Variants in MYBPC2 observed in about 807,000 individuals in gnomAD.
MYBPC2 encodes the protein myosin binding protein C2, also known as myosin-binding protein C, fast-type.
A neutral mutation model predicts 137.0 loss-of-function variants in MYBPC2; 122 were observed. The ratio of observed to expected loss-of-function variants is 0.89; its 90% CI spans 0.77 to 1.03. The LOEUF (loss-of-function observed/expected upper bound fraction) is 1.03. MYBPC2 is among the 50% of genes least tolerant of loss of function. MYBPC2 has a pLI of 0.00. For missense variants in MYBPC2, 1,500 were observed against 1,534.4 expected (o/e 0.98, Z 0.37); for synonymous variants, 626 against 612.3 (o/e 1.02, Z -0.33).
At position 50,451,905 on chromosome 19, in the gene MYBPC2, G is replaced by A; in HGVS notation, c.1651G>A (p.Glu551Lys). 1 of 1,588,378 alleles carries A rather than the reference G, an allele frequency of 6.3e-7. No homozygotes were observed. The highest frequency in any genetic ancestry group is 1.3e-5 in the African/African-American group (1 of 74,612). Residue 551 changes from glutamate to lysine, a missense_variant, in exon 16 of 28, where the codon GAG becomes AAG. Transcript: ENST00000357701. ...CTTGGATTGCTCGGGGAAGACCTCA[G>A]AGAATGCGATTGTGGTTGTGGCTGG... is the stretch of plus-strand genomic sequence containing the variant. Reference protein sequence around the residue: ...IHLDCSGKTSENAIVVVAGNK... With the variant: ...IHLDCSGKTSKNAIVVVAGNK...
chr19:50,435,207 CAAGGAGGCTCCCCCT>C lies in MYBPC2; in HGVS notation c.78_92del (p.Pro27_Pro31del). On this transcript the variant is annotated inframe_deletion, in exon 2 of 28. Transcript: ENST00000357701. The surrounding 1 kb of genome is among the most constrained non-coding windows in gnomAD (Gnocchi z 4.8). ...GCAAAGATGCCCCCAAAGGAGCCCC[CAAGGAGGCTCCCCCT>C]AAGGAGGCTCCTGCAGAGGCCCCCA... 2.9e-6 allele frequency: 4 copies of C among 1,395,462 alleles called. No individual in the cohort carries two copies. Among genetic ancestry groups the C allele is most frequent in the Non-Finnish European group, 4.1e-6 (4 of 987,076 alleles). 86.4% of individuals were successfully genotyped at this position (1,395,462 alleles called of 1,614,324 possible).
intron 1 of MYBPC2, among the ~76,000 whole-genome samples, chr19:50,433,412 G>GTTTTT (rs10673735): frequency 6.9e-6 from 1 of 144,488 alleles, no homozygotes; most frequent in South Asian, 2.2e-4. Context: ...TTGGTTTTTG[G>GTTTTT]TTTTTTTTTT....
At position 50,451,867 on chromosome 19, in the gene MYBPC2, C is replaced by A. The variant is rs763304244; in HGVS notation, c.1613C>A (p.Pro538Gln). ...TGTATCTCTTCTGTGCCACCAGAGCCACCAAAGATCCACTTGGATTGCTCG... is the reference window on the plus strand; with the variant it reads ...TGTATCTCTTCTGTGCCACCAGAGCAACCAAAGATCCACTTGGATTGCTCG... ...IKVEYVPKQE[P>Q]PKIHLDCSGK... Residue 538 changes from proline to glutamine, a missense_variant, in exon 16 of 28, where the codon CCA becomes CAA. Pro to Gln is a moderately conservative substitution (Grantham distance 76, BLOSUM62 -1). Coordinates refer to ENST00000357701, the MANE Select transcript of MYBPC2 (RefSeq NM_004533.4). The A allele has an allele frequency of 1.4e-5, 23 of 1,591,942 alleles. 1 individual carries two copies. In the South Asian group the frequency reaches 2.4e-4, roughly 17 times the overall value.
chr19:50,458,996 T>C lies in MYBPC2; in HGVS notation c.2585T>C (p.Val862Ala), dbSNP rs1408614819. The change falls in exon 22 of 28, where the codon GTC becomes GCC. Residue 862 changes from valine to alanine, a missense_variant. Coordinates refer to ENST00000357701, the MANE Select transcript of MYBPC2 (RefSeq NM_004533.4). Reference protein sequence around the residue: ...RKVGEQLNLVVPFQGKPRPQV... With the variant: ...RKVGEQLNLVAPFQGKPRPQV... ...GTGGGCGAGCAGCTCAACCTTGTCGTCCCCTTCCAGGTCAGGGGAGCGGGG... is the reference window on the plus strand; with the variant it reads ...GTGGGCGAGCAGCTCAACCTTGTCGCCCCCTTCCAGGTCAGGGGAGCGGGG... 4 of 1,611,212 alleles carry C rather than the reference T, an allele frequency of 2.5e-6. No homozygotes were observed. In the South Asian group the frequency reaches 4.4e-5, roughly 18 times the overall value.
intron 24 of MYBPC2, 96 bp from the exon 25 acceptor site, chr19:50,461,446 T>C: frequency 7.7e-7 from 1 of 1,293,166 alleles, no homozygotes. Context: ...AAACACTGGA[T>C]GTGCTTTTCT....
rs751987532 is a variant in MYBPC2 at position 50,455,620 on chromosome 19, C to T, written c.2314C>T (p.Leu772=). 1 of 1,613,964 alleles carries T rather than the reference C, an allele frequency of 6.2e-7. No homozygotes were observed. The highest frequency in any genetic ancestry group is 1.3e-5 in the African/African-American group (1 of 75,050). Residue 772 remains leucine, a synonymous_variant, in exon 20 of 28, where the codon CTG becomes TTG. Coordinates refer to ENST00000357701, the MANE Select transcript of MYBPC2 (RefSeq NM_004533.4). The part of the protein sequence containing the change: ...RIGAGGIDGY[L]VEYCLEGSEE... Reference sequence around the variant, plus strand: ...CGGGGCAGGTGGCATCGATGGGTACCTGGTGGAGTACTGCCTGGAAGGCTG... The same window carrying T: ...CGGGGCAGGTGGCATCGATGGGTACTTGGTGGAGTACTGCCTGGAAGGCTG...
chr19:50,459,345 G>A (rs1394187831), intron 23 of MYBPC2, 39 bp downstream of exon 23: 1 of 1,560,922 alleles, frequency 6.4e-7, no homozygotes. Flanking sequence ...GCCGGGAGGG[G>A]CAGGGATGGG....
intron 20 of MYBPC2, 43 bp downstream of exon 20, chr19:50,455,687 A>G (rs1601294111): frequency 1.2e-6 from 2 of 1,605,854 alleles, no homozygotes; most frequent in Non-Finnish European, 1.7e-6. Flanking sequence ...TGGCTAGCAC[A>G]GGTGGGTATC....
Position 50,442,183 on chromosome 19 carries a change from T to C in MYBPC2, c.772T>C (p.Phe258Leu). ...AKVEVKKSAA[F>L]TKKLDPAYQV... ...CCTTTGCATGCCTCAATCTTCAGCA[T>C]TCACAAAGAAGCTGGATCCAGCCTA... The change falls in exon 9 of 28, where the codon TTC becomes CTC. Residue 258 changes from phenylalanine (F) to leucine (L), a missense_variant and splice_region_variant. Physicochemically the swap from Phe to Leu is conservative, Grantham distance 22. Coordinates refer to ENST00000357701, the MANE Select transcript of MYBPC2 (RefSeq NM_004533.4). 1 of 1,590,516 alleles carries C rather than the reference T, an allele frequency of 6.3e-7. No individual in the cohort carries two copies. The highest frequency in any genetic ancestry group is 8.6e-7 in the Non-Finnish European group (1 of 1,168,492).
intron 26 of MYBPC2, among the ~76,000 whole-genome samples, chr19:50,463,162 G>A (rs1335438076): frequency 2.0e-5 from 3 of 152,194 alleles, no homozygotes; most frequent in South Asian, 2.1e-4. Context: ...ATTGGAACAC[G>A]GGCCAAGCAT....
Position 50,458,677 on chromosome 19 carries a change from G to A in MYBPC2, c.2429G>A (p.Arg810Gln), listed in dbSNP as rs371529230. 1.2e-6 allele frequency: 2 copies of A among 1,612,256 alleles called. No individual in the cohort carries two copies. Among genetic ancestry groups the A allele is most frequent in the African/African-American group, 1.3e-5 (1 of 75,070 alleles). ...NLPTGARILF[R>Q]VVGVNIAGRS... ...CCGACCGGAGCCAGAATCCTCTTCC[G>A]AGTAGTTGGGGTCAACATCGCGGGG... The change falls in exon 21 of 28, where the codon CGA (arginine) becomes CAA (glutamine). Residue 810 changes from arginine to glutamine, a missense_variant. Arg to Gln is a conservative substitution (Grantham distance 43). Coordinates refer to ENST00000357701, the MANE Select transcript of MYBPC2 (RefSeq NM_004533.4).
chr19:50,454,825 G>A (rs908966399), intron 18 of MYBPC2, among the ~76,000 whole-genome samples: 3 of 151,920 alleles, frequency 2.0e-5, no homozygotes, highest in South Asian at 4.2e-4. Flanking sequence ...TGGTCTTCCC[G>A]CTTCCTTTAC....
At position 50,433,053 on chromosome 19, in the gene MYBPC2, G is replaced by A. The variant is rs1159191970; in HGVS notation, c.19+81G>A. 2.7e-6 allele frequency: 4 copies of A among 1,464,698 alleles called. No homozygotes were observed. In the African/African-American group the frequency reaches 5.8e-5, roughly 21 times the overall value. 90.7% of individuals were successfully genotyped at this position (1,464,698 alleles called of 1,614,324 possible). ...GATTTGGGACCCCTCTGTTTGTAGGGTTGGGAGAAGGAGGAACCTTCGCTG... is the reference window on the plus strand; with the variant it reads ...GATTTGGGACCCCTCTGTTTGTAGGATTGGGAGAAGGAGGAACCTTCGCTG... On this transcript the variant is annotated intron_variant, in intron 1 of 27. Transcript: ENST00000357701.
rs200844082 is a variant in MYBPC2 at position 50,458,619 on chromosome 19, G to A, written c.2371G>A (p.Val791Met). ...ATGGGTCCCTGCCAACACCGAGCCCGTGGAGCGCTGTGGCTTCACCGTCAA... is the reference window on the plus strand; with the variant it reads ...ATGGGTCCCTGCCAACACCGAGCCCATGGAGCGCTGTGGCTTCACCGTCAA... ...EEWVPANTEPVERCGFTVKNL... is the reference protein window; with the variant it reads ...EEWVPANTEPMERCGFTVKNL... The change falls in exon 21 of 28, where the codon GTG (valine) becomes ATG (methionine). Residue 791 changes from valine to methionine, a missense_variant. Val to Met is a conservative substitution (Grantham distance 21). Transcript: ENST00000357701. 2.7e-4 allele frequency: 432 copies of A among 1,612,726 alleles called. 1 individual carries two copies. The highest frequency in any genetic ancestry group is 1.6e-4 in the Non-Finnish European group (193 of 1,179,888).
Position 50,442,331 on chromosome 19 carries a change from A to C in MYBPC2, c.902+18A>C. 9.3e-6 allele frequency: 15 copies of C among 1,605,998 alleles called. No homozygotes were observed. The highest frequency in any genetic ancestry group is 1.3e-5 in the Non-Finnish European group (15 of 1,176,476). On this transcript the variant is annotated intron_variant, in intron 9 of 27. Transcript: ENST00000357701. ...AGCAGCAAGTATGTGTGGGGTGGGC[A>C]GTCCCTGCACCGGGGAGATCCCCGT...
At position 50,459,299 on chromosome 19, in the gene MYBPC2, C is replaced by T; in HGVS notation, c.2784C>T (p.Arg928=). ...AGGACACCGCCACCATCCGCATCCGCGTTGTGGGTGCGCGCGCTGGGGAGG... is the reference window on the plus strand; with the variant it reads ...AGGACACCGCCACCATCCGCATCCGTGTTGTGGGTGCGCGCGCTGGGGAGG... The part of the protein sequence containing the change: ...NMKDTATIRI[R]VVEKAGPPIN... The change falls in exon 23 of 28, where the codon CGC becomes CGT. Residue 928 remains arginine, a synonymous_variant. Coordinates refer to ENST00000357701, the MANE Select transcript of MYBPC2 (RefSeq NM_004533.4). 1 of 1,552,268 alleles carries T rather than the reference C, an allele frequency of 6.4e-7. No homozygotes were observed. Among genetic ancestry groups the T allele is most frequent in the Non-Finnish European group, 8.7e-7 (1 of 1,145,824 alleles).
At position 50,458,938 on chromosome 19, in the gene MYBPC2, C is replaced by A. The variant is rs757854161; in HGVS notation, c.2527C>A (p.Pro843Thr). 6.2e-7 allele frequency: 1 copy of A among 1,612,402 alleles called. No individual in the cohort carries two copies. The highest frequency in any genetic ancestry group is 1.7e-5 in the Admixed American group (1 of 59,940). Residue 843 changes from proline to threonine, a missense_variant, in exon 22 of 28, where the codon CCC becomes ACC. Coordinates refer to ENST00000357701, the MANE Select transcript of MYBPC2 (RefSeq NM_004533.4). ...EIAEPPKIRL[P>T]RHLRQTYIRK... Reference sequence around the variant, plus strand: ...CTCAGAGCCACCCAAGATCCGGCTTCCCCGCCATCTCCGCCAGACCTACAT... The same window carrying A: ...CTCAGAGCCACCCAAGATCCGGCTTACCCGCCATCTCCGCCAGACCTACAT...
In MYBPC2 at chr19:50,441,016, G is replaced by A. The variant is rs1053626459; in HGVS notation, c.709G>A (p.Asp237Asn). 1.6e-5 allele frequency: 26 copies of A among 1,610,390 alleles called. No homozygotes were observed. Among genetic ancestry groups the A allele is most frequent in the South Asian group, 2.2e-5 (2 of 90,296 alleles). The change falls in exon 8 of 28, where the codon GAC becomes AAC. Residue 237 changes from aspartate to asparagine, a missense_variant. Asp to Asn is a conservative substitution (Grantham distance 23). Coordinates refer to ENST00000357701, the MANE Select transcript of MYBPC2 (RefSeq NM_004533.4). Reference sequence around the variant, plus strand: ...AATCGCCTTCCAGTATGGCATCACCGACCTCCGGGGCATGCTGAAGCGGCT... The same window carrying A: ...AATCGCCTTCCAGTATGGCATCACCAACCTCCGGGGCATGCTGAAGCGGCT... The part of the protein sequence containing the change: ...EKIAFQYGIT[D>N]LRGMLKRLKK...
intron 23 of MYBPC2, 55 bp downstream of exon 23, chr19:50,459,361 ATGGGGGAGGAGGTAAGAGATGAGGGG>A: frequency 1.5e-6 from 1 of 667,090 alleles, no homozygotes; most frequent in South Asian, 1.5e-5. Flanking sequence ...ATGGGCAGCG[ATGGGGGAGGAGGTAAGAGATGAGGGG>A]TGGGGAAGGA....
Sources: allele counts gnomAD v4.1 joint callset (sites outside exome capture counted in the v4.1 genomes callset), GRCh38; gene constraint gnomAD v4.1.1; non-coding constraint Gnocchi (gnomAD v3.1); transcripts MANE v1.5; gene names NCBI Gene and HGNC (gene_info 2026-07-23, HGNC 2026-07-21).